ACSS2: variants seen among roughly 807,000 people sequenced by gnomAD.
ACSS2 encodes the protein acetyl-coenzyme A synthetase, cytoplasmic.
A neutral mutation model predicts 90.6 loss-of-function variants in ACSS2; 58 were observed. The ratio of observed to expected loss-of-function variants is 0.64; its 90% CI spans 0.52 to 0.80. The LOEUF (loss-of-function observed/expected upper bound fraction) is 0.80, where lower values mean the gene tolerates loss of function less well. Among genes scored for constraint, ACSS2 ranks in the 30% least tolerant of loss-of-function variants. ACSS2 has a pLI of 0.00. For missense variants in ACSS2, 759 were observed against 912.0 expected (o/e 0.83, Z 2.16); for synonymous variants, 300 against 330.9 (o/e 0.91, Z 1.01).
chr20:34,927,037 A>G lies in ACSS2; in HGVS notation c.1979-50A>G, dbSNP rs1285284447. 1 of 1,613,952 alleles carries G rather than the reference A, an allele frequency of 6.2e-7. No homozygotes were observed. The highest frequency in any genetic ancestry group is 1.3e-5 in the African/African-American group (1 of 74,910). On this transcript the variant is annotated intron_variant, in intron 17 of 17. Coordinates refer to ENST00000360596, the MANE Select transcript of ACSS2 (RefSeq NM_018677.4). The surrounding 1 kb of genome is among the most constrained non-coding windows in gnomAD (Gnocchi z 4.2). ...GTGGATGAAAGCCTTTGGCAGGGCT[A>G]GGGTGGGTCAGTGCTTTCACCAAGT... is the stretch of plus-strand genomic sequence containing the variant.
At chr20:34,922,140 C>G (rs975029849) in intron 13 of ACSS2, 1 of 532,166 alleles carries the variant, frequency 1.9e-6, no homozygotes, top group African/African-American at 2.0e-5. Context: ...GTCCCATCTT[C>G]TTTTGACAAA....
intron 2 of ACSS2, among the ~76,000 whole-genome samples, chr20:34,889,578 C>T (rs930948381): frequency 1.3e-5 from 2 of 152,138 alleles, no homozygotes; most frequent in African/African-American, 4.8e-5. Context: ...ATCTTAAGCA[C>T]AGACGTGATA....
chr20:34,920,205 A>G (rs1452996431), intron 8 of ACSS2, among the ~76,000 whole-genome samples: 2 of 152,164 alleles, frequency 1.3e-5, no homozygotes, highest in Non-Finnish European at 2.9e-5. Flanking sequence ...GATGGTGTGT[A>G]ATTGAGTGTG....
upstream of ACSS2, chr20:34,875,034 G>C: frequency 3.7e-6 from 2 of 534,306 alleles, no homozygotes; most frequent in Admixed American, 1.9e-5. Flanking sequence ...CCCGCTTCAG[G>C]CCTCAGAATC....
At chr20:34,888,910 A>G (rs2080264029) in intron 2 of ACSS2, among the ~76,000 whole-genome samples, 1 of 151,940 alleles carries the variant, frequency 6.6e-6, no homozygotes, top group South Asian at 2.1e-4. Flanking sequence ...AGAGAGTAGT[A>G]TTGACACCAG....
At chr20:34,882,527 C>T (rs1270253816) in intron 1 of ACSS2, among the ~76,000 whole-genome samples, 1 of 151,928 alleles carries the variant, frequency 6.6e-6, no homozygotes, top group African/African-American at 2.4e-5. Flanking sequence ...GAGGCTGAGG[C>T]AGGAGAATTG....
intron 1 of ACSS2, among the ~76,000 whole-genome samples, chr20:34,878,348 G>A (rs2079978970): frequency 6.6e-6 from 1 of 152,230 alleles, no homozygotes; most frequent in African/African-American, 2.4e-5. Flanking sequence ...TGGCTCTGCT[G>A]TTCATTTACT....
Position 34,926,005 on chromosome 20 carries a change from T to G in ACSS2, c.1727-100T>G. The stretch of plus-strand genomic sequence containing the variant: ...TCTGAGGAGTGAATGAAGGGTCTTC[T>G]CCATTTGGCCAGACCAGGACTGCCC... On this transcript the variant is annotated intron_variant, in intron 15 of 17. Coordinates refer to ENST00000360596, the MANE Select transcript of ACSS2 (RefSeq NM_018677.4). The G allele has an allele frequency of 3.1e-6, 4 of 1,300,060 alleles. No individual in the cohort carries two copies. In the East Asian group the frequency reaches 9.4e-5, roughly 30 times the overall value. 80.5% of individuals were successfully genotyped at this position (1,300,060 alleles called of 1,614,324 possible).
chr20:34,901,276 T>A lies in ACSS2; in HGVS notation c.375-11820T>A, dbSNP rs568144058. Among the ~76,000 whole-genome samples, 16 of 152,322 alleles carry A rather than the reference T, an allele frequency of 1.1e-4. 1 individual carries two copies. The highest frequency in any genetic ancestry group is 3.3e-4 in the Admixed American group (5 of 15,292). ...TCTTTTTCTCTTTTCTTTTCTTTCT[T>A]TTTTTGACAGGATCTTGCTTTGTTG... is the stretch of plus-strand genomic sequence containing the variant. On this transcript the variant is annotated intron_variant, in intron 2 of 17. Coordinates refer to ENST00000360596, the MANE Select transcript of ACSS2 (RefSeq NM_018677.4).
chr20:34,913,862 A>G, intron 5 of ACSS2, 37 bp downstream of exon 5: 1 of 1,593,000 alleles, frequency 6.3e-7, no homozygotes, highest in Non-Finnish European at 8.6e-7. Context: ...AGAACCCCCC[A>G]TACCTCAAGC....
intron 2 of ACSS2, among the ~76,000 whole-genome samples, chr20:34,902,317 A>G (rs1401262483): frequency 1.3e-5 from 2 of 152,194 alleles, no homozygotes; most frequent in African/African-American, 4.8e-5. Flanking sequence ...TCTATTAATA[A>G]TATTAACAAT....
rs532698173 is a variant in ACSS2, at chr20:34,897,589, T to A, written c.374+14600T>A. Among the ~76,000 whole-genome samples, 18 of 152,248 alleles carry A rather than the reference T, an allele frequency of 1.2e-4. 1 individual carries two copies. In the South Asian group the frequency reaches 3.7e-3, roughly 32 times the overall value. Reference sequence around the variant, plus strand: ...ACTTTGGGAGGCTGAGGTGGGTGGATCACCTGAGGTTGGTGGATCACCTGA... The same window carrying A: ...ACTTTGGGAGGCTGAGGTGGGTGGAACACCTGAGGTTGGTGGATCACCTGA... On this transcript the variant is annotated intron_variant, in intron 2 of 17. Coordinates refer to ENST00000360596, the MANE Select transcript of ACSS2 (RefSeq NM_018677.4).
intron 13 of ACSS2, 24 bp from the exon 14 acceptor site, chr20:34,923,299 C>T (rs1343999965): frequency 1.3e-6 from 2 of 1,527,796 alleles, no homozygotes; most frequent in East Asian, 2.2e-5. Context: ...CAAATGTGAT[C>T]ACTGTCCCTT....
Position 34,913,170 on chromosome 20 carries a change from A to G in ACSS2, c.449A>G (p.Asn150Ser), listed in dbSNP as rs562270723. 1.4e-5 allele frequency: 22 copies of G among 1,614,122 alleles called. No individual in the cohort carries two copies. The highest frequency in any genetic ancestry group is 1.6e-4 in the Middle Eastern group (1 of 6,062). The change falls in exon 3 of 18, where the codon AAT (asparagine) becomes AGT (serine). Residue 150 changes from asparagine to serine, a missense_variant. Physicochemically the swap from Asn to Ser is conservative, Grantham distance 46. Coordinates refer to ENST00000360596, the MANE Select transcript of ACSS2 (RefSeq NM_018677.4). ...QLLVQVCQFS[N>S]VLRKQGIQKG... ...CTGGTCCAAGTGTGTCAGTTCAGCA[A>G]TGTTCTCCGAAAACAGGGTGAGTGT... is the stretch of plus-strand genomic sequence containing the variant.
chr20:34,908,141 A>G (rs887200876), intron 2 of ACSS2, among the ~76,000 whole-genome samples: 3 of 152,190 alleles, frequency 2.0e-5, no homozygotes, highest in African/African-American at 7.2e-5. Context: ...GTGCTAAGGG[A>G]GAGCCAGATG....
At chr20:34,916,408 G>A (rs2081078903) in intron 7 of ACSS2, among the ~76,000 whole-genome samples, 1 of 152,126 alleles carries the variant, frequency 6.6e-6, no homozygotes, top group African/African-American at 2.4e-5. Context: ...AAGGTGTTTG[G>A]CACATAGTAA....
intron 2 of ACSS2, among the ~76,000 whole-genome samples, chr20:34,895,965 A>T (rs917409190): frequency 6.6e-5 from 10 of 152,248 alleles, no homozygotes; most frequent in Admixed American, 5.2e-4. Context: ...GTACACATAA[A>T]ATGATGCCCC....
chr20:34,887,753 A>T (rs1023150702), intron 2 of ACSS2, among the ~76,000 whole-genome samples: 1 of 151,484 alleles, frequency 6.6e-6, no homozygotes, highest in Admixed American at 6.6e-5. Context: ...AAAACAAAAT[A>T]AAACAAAACA....
rs575695691 is a variant in ACSS2, at chr20:34,906,207, C to T, written c.375-6889C>T. Among the ~76,000 whole-genome samples the T allele has an allele frequency of 9.2e-5, 14 of 152,086 alleles. No individual in the cohort carries two copies. The East Asian group carries it at 9.7e-4, about 11-fold the overall frequency. Reference sequence around the variant, plus strand: ...AAAATTAGCTGAGCGTGGTGGCAGGCGCCTGTGGTCCCAGCTACTCGGGAG... The same window carrying T: ...AAAATTAGCTGAGCGTGGTGGCAGGTGCCTGTGGTCCCAGCTACTCGGGAG... On this transcript the variant is annotated intron_variant, in intron 2 of 17. Coordinates refer to ENST00000360596, the MANE Select transcript of ACSS2 (RefSeq NM_018677.4).
Sources: allele counts gnomAD v4.1 joint callset (sites outside exome capture counted in the v4.1 genomes callset), GRCh38; gene constraint gnomAD v4.1.1; non-coding constraint Gnocchi (gnomAD v3.1); transcripts MANE v1.5; gene names NCBI Gene and HGNC (gene_info 2026-07-23, HGNC 2026-07-21).